Variants in NRF1 observed in about 807,000 individuals in gnomAD.
NRF1 encodes the protein alpha palindromic-binding protein.
Under a neutral mutation model 58.5 loss-of-function variants are expected in NRF1, and 5 were observed. The ratio of observed to expected loss-of-function variants is 0.09; its 90% CI spans 0.04 to 0.18. NRF1 has a LOEUF of 0.18. Ranked by LOEUF, NRF1 falls within the 10% of genes least tolerant of loss-of-function variation. The probability of loss-of-function intolerance (pLI) is 1.00; values close to 1 mark genes in which losing one functional copy is unlikely to be tolerated. For missense variants in NRF1, 288 were observed against 657.7 expected (o/e 0.44, Z 6.15); for synonymous variants, 224 against 246.7 (o/e 0.91, Z 0.86).
intron 1 of NRF1, chr7:129,633,802 G>GTA (rs1491066180): frequency 7.1e-5 from 10 of 141,248 alleles, no homozygotes; most frequent in Non-Finnish European, 1.6e-4. Flanking sequence ...GTGTGTGTGT[G>GTA]TATGTGTATA....
chr7:129,649,844 C>T (rs1322839132), intron 1 of NRF1, among the ~76,000 whole-genome samples: 2 of 152,184 alleles, frequency 1.3e-5, no homozygotes, highest in Admixed American at 1.3e-4. Flanking sequence ...GCCTTGTCCT[C>T]CCAGGCTCAA....
intron 3 of NRF1, among the ~76,000 whole-genome samples, chr7:129,672,165 G>A (rs1033662091): frequency 6.8e-5 from 10 of 146,102 alleles, no homozygotes; most frequent in African/African-American, 2.3e-4. Flanking sequence ...ATGAGAGGAT[G>A]TTCAGAGCAG....
intron 1 of NRF1, among the ~76,000 whole-genome samples, chr7:129,621,039 T>A (rs1307596101): frequency 6.6e-6 from 1 of 152,232 alleles, no homozygotes; most frequent in Non-Finnish European, 1.5e-5. Flanking sequence ...AAGTCGTGAA[T>A]AAAATTAAGA....
chr7:129,752,783 A>G (rs992089164), intron 10 of NRF1, among the ~76,000 whole-genome samples: 3 of 152,250 alleles, frequency 2.0e-5, no homozygotes, highest in African/African-American at 7.2e-5. Context: ...GACAGTTAAG[A>G]GCAATTTGCA....
chr7:129,686,574 G>C (rs1005778549), intron 4 of NRF1, among the ~76,000 whole-genome samples: 1 of 152,208 alleles, frequency 6.6e-6, no homozygotes, highest in African/African-American at 2.4e-5. Context: ...TTTGCAAAAT[G>C]AACATAATAT....
At chr7:129,711,323 A>C in intron 7 of NRF1, 152 bp from the exon 8 acceptor site, 2 of 572,040 alleles carry the variant, frequency 3.5e-6, no homozygotes, top group Middle Eastern at 2.9e-4. Flanking sequence ...CTGAACTATG[A>C]TTTTAGTGAG....
At chr7:129,616,281 C>T (rs1800658382) in intron 1 of NRF1, among the ~76,000 whole-genome samples, 1 of 152,118 alleles carries the variant, frequency 6.6e-6, no homozygotes, top group South Asian at 2.1e-4. Flanking sequence ...CAGAGATGTT[C>T]TAGTATATTA....
intron 5 of NRF1, among the ~76,000 whole-genome samples, 184 bp downstream of exon 5, chr7:129,690,730 A>G (rs1055739095): frequency 3.3e-5 from 5 of 152,024 alleles, no homozygotes; most frequent in African/African-American, 7.2e-5. Flanking sequence ...AGTGCTCCCA[A>G]CCAAGGGCAT....
chr7:129,740,173 C>T (rs1285269476), intron 10 of NRF1, among the ~76,000 whole-genome samples: 1 of 152,208 alleles, frequency 6.6e-6, no homozygotes, highest in African/African-American at 2.4e-5. Context: ...TTTCCTGACT[C>T]CCCAATCTCC....
chr7:129,720,743 G>A (rs2116229123), intron 9 of NRF1, among the ~76,000 whole-genome samples: 1 of 152,218 alleles, frequency 6.6e-6, no homozygotes, highest in Non-Finnish European at 1.5e-5. Context: ...CAACCACGCT[G>A]TTAAGAGAAT....
intron 5 of NRF1, among the ~76,000 whole-genome samples, chr7:129,697,361 G>T (rs1802722816): frequency 6.6e-6 from 1 of 151,778 alleles, no homozygotes; most frequent in African/African-American, 2.4e-5. Context: ...GGCTAACATG[G>T]TGAAACCCCG....
intron 9 of NRF1, among the ~76,000 whole-genome samples, chr7:129,719,943 C>CT (rs1803282618): frequency 6.6e-6 from 1 of 152,116 alleles, no homozygotes; most frequent in South Asian, 2.1e-4. Flanking sequence ...CCTGGGAACT[C>CT]TGTACATAGT....
chr7:129,615,092 T>C (rs550270933), intron 1 of NRF1, among the ~76,000 whole-genome samples: 55 of 152,332 alleles, frequency 3.6e-4, no homozygotes, highest in African/African-American at 1.3e-3. Context: ...AATTTTTCCC[T>C]GAGTATTTGA....
chr7:129,740,431 A>T (rs1803819920), intron 10 of NRF1, among the ~76,000 whole-genome samples: 1 of 152,224 alleles, frequency 6.6e-6, no homozygotes, highest in African/African-American at 2.4e-5. Flanking sequence ...GTGAGTCTTC[A>T]TTCGCAGAGA....
intron 5 of NRF1, among the ~76,000 whole-genome samples, chr7:129,696,662 C>G (rs910344831): frequency 4.6e-5 from 7 of 152,152 alleles, no homozygotes; most frequent in African/African-American, 1.7e-4. Context: ...CCAGACAACT[C>G]TATTAATCAT....
intron 4 of NRF1, among the ~76,000 whole-genome samples, chr7:129,684,132 A>G (rs535134781): frequency 6.6e-6 from 1 of 152,302 alleles, no homozygotes; most frequent in Admixed American, 6.5e-5. Flanking sequence ...GAATAATAAA[A>G]TAAGTCTAAG....
chr7:129,713,815 C>T (rs1803129541), intron 8 of NRF1, among the ~76,000 whole-genome samples: 1 of 152,190 alleles, frequency 6.6e-6, no homozygotes, highest in South Asian at 2.1e-4. Context: ...AGAGGTGTAG[C>T]CCCTGAGCTT....
At chr7:129,724,733 A>G (rs1803411309) in intron 9 of NRF1, among the ~76,000 whole-genome samples, 1 of 152,256 alleles carries the variant, frequency 6.6e-6, no homozygotes, top group African/African-American at 2.4e-5. Flanking sequence ...TCTTGAGCAC[A>G]TTCTGCCAAG....
intron 2 of NRF1, among the ~76,000 whole-genome samples, chr7:129,663,532 G>GCGGCCGGGCAGAGGCGC (rs1801842037): frequency 6.6e-6 from 1 of 151,220 alleles, no homozygotes; most frequent in Non-Finnish European, 1.5e-5. Flanking sequence ...CCCAGACGGG[G>GCGGCCGGGCAGAGGCGC]TGGCCGGGCA....
Sources: gnomAD v4.1 joint callset for allele counts (sites outside exome capture counted in the v4.1 genomes callset) on GRCh38, gnomAD v4.1.1 for gene constraint, MANE v1.5 for transcripts, NCBI Gene and HGNC (gene_info 2026-07-23, HGNC 2026-07-21) for gene names.